Variants in MECOM observed in about 807,000 individuals in gnomAD.
MECOM encodes the protein MDS1 and EVI1 complex locus.
Under a neutral mutation model 116.3 loss-of-function variants are expected in MECOM, and 13 were observed. The observed-to-expected ratio is 0.11, with a 90% CI of 0.07 to 0.18. The LOEUF is 0.18. MECOM is among the 10% of genes least tolerant of loss of function. The pLI is 1.00. For missense variants in MECOM, 1,299 were observed against 1,509.0 expected (o/e 0.86, Z 2.31); for synonymous variants, 528 against 535.2 (o/e 0.99, Z 0.19).
rs78162126 is a variant in MECOM, at chr3:169,362,877, C to T, written c.375+18310G>A. ...GAGGAAACATTAGACCTTTTGCTTC[C>T]ATTTCTGTGGGATCCTTTTGATTTT... On this transcript the variant is annotated intron_variant, in intron 2 of 16. Coordinates refer to ENST00000651503, the MANE Select transcript of MECOM (RefSeq NM_004991.4). 4.5e-3 allele frequency among the ~76,000 whole-genome samples: 685 copies of T among 152,030 alleles called. 7 individuals carry two copies. The highest frequency in any genetic ancestry group is 0.018 in the South Asian group (85 of 4,824).
chr3:169,197,094 A>C (rs1375981895), intron 2 of MECOM, among the ~76,000 whole-genome samples: 1 of 152,036 alleles, frequency 6.6e-6, no homozygotes, highest in Non-Finnish European at 1.5e-5. Context: ...GTTTTCACTT[A>C]CAAGTGGGAG....
intron 1 of MECOM, among the ~76,000 whole-genome samples, chr3:169,499,776 T>C (rs1184063011): frequency 6.6e-6 from 1 of 152,116 alleles, no homozygotes; most frequent in African/African-American, 2.4e-5. Context: ...TGAAGGGATG[T>C]TAAAATGTAT....
At chr3:169,501,676 T>C (rs1450451316) in intron 1 of MECOM, among the ~76,000 whole-genome samples, 1 of 152,068 alleles carries the variant, frequency 6.6e-6, no homozygotes, top group African/African-American at 2.4e-5. Context: ...ACCAGGCTAG[T>C]CATTTACCAA....
At chr3:169,378,477 GAA>G (rs57569605) in intron 2 of MECOM, among the ~76,000 whole-genome samples, 1,113 of 38,122 alleles carry the variant, frequency 0.029, 167 homozygotes, top group African/African-American at 0.14. Context: ...AAGCAAGCAA[GAA>G]AGAGAGAGAG....
intron 1 of MECOM, among the ~76,000 whole-genome samples, chr3:169,401,663 C>G (rs1289100743): frequency 6.6e-6 from 1 of 151,872 alleles, no homozygotes; most frequent in Non-Finnish European, 1.5e-5. Flanking sequence ...GAAGAATAAG[C>G]TGAAGAAGAA....
intron 2 of MECOM, among the ~76,000 whole-genome samples, chr3:169,324,980 C>G (rs907977744): frequency 6.6e-6 from 1 of 152,128 alleles, no homozygotes; most frequent in East Asian, 1.9e-4. Context: ...ACAGTAACAG[C>G]TCTTCACACT....
intron 2 of MECOM, among the ~76,000 whole-genome samples, chr3:169,316,559 T>C (rs1719779891): frequency 6.6e-6 from 1 of 152,108 alleles, no homozygotes; most frequent in South Asian, 2.1e-4. Flanking sequence ...TAAGAAAATA[T>C]ACTTTTTTTA....
intron 1 of MECOM, among the ~76,000 whole-genome samples, chr3:169,517,603 G>GT (rs1273736375): frequency 6.6e-6 from 1 of 152,020 alleles, no homozygotes; most frequent in Non-Finnish European, 1.5e-5. Context: ...GAACCCTAAA[G>GT]TTTTTCGATA....
chr3:169,382,707 GC>G (rs1732610566), intron 1 of MECOM, among the ~76,000 whole-genome samples: 1 of 151,818 alleles, frequency 6.6e-6, no homozygotes, highest in Non-Finnish European at 1.5e-5. Context: ...TGAAAAATTA[GC>G]TGAGTGTGGT....
At chr3:169,332,498 C>T (rs1055031298) in intron 2 of MECOM, among the ~76,000 whole-genome samples, 3 of 152,032 alleles carry the variant, frequency 2.0e-5, no homozygotes, top group African/African-American at 7.2e-5. Flanking sequence ...TATTAGTGCT[C>T]AGTGATTAAT....
At chr3:169,154,736 G>A (rs941828141) in intron 2 of MECOM, among the ~76,000 whole-genome samples, 2 of 152,064 alleles carry the variant, frequency 1.3e-5, no homozygotes, top group Non-Finnish European at 2.9e-5. Context: ...GAGGATATAG[G>A]ATATAGTCAA....
chr3:169,485,985 G>GTATATA (rs1212490457), intron 1 of MECOM, among the ~76,000 whole-genome samples: 1 of 53,288 alleles, frequency 1.9e-5, no homozygotes, highest in African/African-American at 8.9e-5. Flanking sequence ...TATATATATA[G>GTATATA]TATATATATG....
chr3:169,441,164 G>A (rs1326783193), intron 1 of MECOM, among the ~76,000 whole-genome samples: 2 of 152,160 alleles, frequency 1.3e-5, no homozygotes, highest in African/African-American at 4.8e-5. Context: ...CTCAGCCTGA[G>A]CTGAGTGGAC....
intron 1 of MECOM, among the ~76,000 whole-genome samples, chr3:169,614,253 A>G (rs116142210): frequency 1.5e-3 from 228 of 151,914 alleles, no homozygotes; most frequent in Admixed American, 3.1e-3. Flanking sequence ...TACTCTTAAC[A>G]AAATACTAGA....
intron 2 of MECOM, chr3:169,145,177 CACACACACACACAGAG>C (rs758096055): frequency 0.16 from 66,659 of 416,388 alleles, 3,140 homozygotes; most frequent in Non-Finnish European, 0.19. Flanking sequence ...CACACACACA[CACACACACACACAGAG>C]AGAAATCAAA....
chr3:169,084,314 T>A lies in MECOM; in HGVS notation c.*595A>T. On this transcript the variant is annotated 3_prime_UTR_variant, in exon 17 of 17. Transcript: ENST00000651503. ...AGTTTACAATATACACATACCCTTTTTCCCTAGTTTTAAACAATGTACTTA... is the reference window on the plus strand; with the variant it reads ...AGTTTACAATATACACATACCCTTTATCCCTAGTTTTAAACAATGTACTTA... 8.7e-6 allele frequency: 2 copies of A among 231,128 alleles called. No individual in the cohort carries two copies. Among genetic ancestry groups the A allele is most frequent in the Non-Finnish European group, 1.7e-5 (2 of 116,816 alleles). The allele number at this position is 231,128 out of a possible 1,614,324, so 14.3% of individuals were successfully genotyped here. A position where few individuals can be genotyped will look rare whatever the true frequency, so the allele number is the denominator to read the frequency against.
At chr3:169,422,504 TTTTC>T (rs533506755) in intron 1 of MECOM, among the ~76,000 whole-genome samples, 117 of 152,266 alleles carry the variant, frequency 7.7e-4, no homozygotes, top group African/African-American at 2.5e-3. Context: ...TGGTTGCTTC[TTTTC>T]TTTCTTTCTT....
At chr3:169,493,153 A>C (rs1222561425) in intron 1 of MECOM, among the ~76,000 whole-genome samples, 1 of 151,922 alleles carries the variant, frequency 6.6e-6, no homozygotes, top group Non-Finnish European at 1.5e-5. Context: ...ATACCATACA[A>C]CTCCATTTAT....
chr3:169,410,906 A>T (rs1737455580), intron 1 of MECOM, among the ~76,000 whole-genome samples: 1 of 152,178 alleles, frequency 6.6e-6, no homozygotes, highest in African/African-American at 2.4e-5. Flanking sequence ...AATTAAAAGG[A>T]CTTACCCATA....
Sources: gnomAD v4.1 joint callset for allele counts (sites outside exome capture counted in the v4.1 genomes callset) on GRCh38, gnomAD v4.1.1 for gene constraint, MANE v1.5 for transcripts, NCBI Gene and HGNC (gene_info 2026-07-23, HGNC 2026-07-21) for gene names.